Variants in ATP2B3 observed in about 807,000 individuals in gnomAD.
The protein encoded by ATP2B3 is plasma membrane calcium-transporting ATPase 3.
Under a neutral mutation model 70.8 loss-of-function variants are expected in ATP2B3, and 12 were observed. The ratio of observed to expected loss-of-function variants is 0.17; its 90% CI spans 0.11 to 0.27. The LOEUF (loss-of-function observed/expected upper bound fraction) is 0.27, where lower values mean the gene tolerates loss of function less well. Ranked by LOEUF, ATP2B3 falls within the 10% of genes least tolerant of loss-of-function variation. The pLI, the probability that ATP2B3 is intolerant of heterozygous loss-of-function variation, is 1.00. For synonymous variants in ATP2B3, 460 were observed against 497.8 expected (o/e 0.92, Z 1.01); for missense variants, 858 against 1,118.5 (o/e 0.77, Z 3.32).
intron 13 of ATP2B3, among the ~76,000 whole-genome samples, chrX:153,555,392 C>T (rs1028577203): frequency 5.4e-5 from 6 of 111,641 alleles, no homozygotes; most frequent in African/African-American, 9.8e-5. Flanking sequence ...ACTTACCCGA[C>T]GGTGCTCACA....
At chrX:153,560,224 T>C (rs1393497205) in intron 18 of ATP2B3, among the ~76,000 whole-genome samples, 2 of 111,903 alleles carry the variant, frequency 1.8e-5, no homozygotes, top group African/African-American at 6.5e-5. Flanking sequence ...CCCACGGCTG[T>C]GTAGCTGTGT....
chrX:153,558,942 T>G (rs2090582947), intron 17 of ATP2B3, among the ~76,000 whole-genome samples: 1 of 111,666 alleles, frequency 9.0e-6, no homozygotes, highest in South Asian at 3.7e-4. Flanking sequence ...AGTCCCATTT[T>G]CCCCATTGGT....
chrX:153,580,312 C>T lies in ATP2B3; in HGVS notation c.*14C>T. 8.4e-7 allele frequency: 1 copy of T among 1,194,345 alleles called. No homozygotes were observed. The highest frequency in any genetic ancestry group is 1.1e-6 in the Non-Finnish European group (1 of 882,832). On this transcript the variant is annotated 3_prime_UTR_variant, in exon 22 of 22. Transcript: ENST00000263519. ...ACGTCCCTCTAACAAGAACTTGTCT[C>T]AGCACATGCGCACACGCACACTCGG...
In ATP2B3 at chrX:153,541,762, T is replaced by C; in HGVS notation, c.500T>C (p.Val167Ala). ...GCCATCCTGCTGTCCGTCATCTGTG[T>C]GGTGCTGGTCACGGCCTTCAATGAC... ...GAAILLSVIC[V>A]VLVTAFNDWS... Residue 167 changes from valine (V) to alanine (A), a missense_variant, in exon 5 of 22, where the codon GTG (valine) becomes GCG (alanine). Transcript: ENST00000263519. 1.7e-6 allele frequency: 2 copies of C among 1,211,648 alleles called. No individual in the cohort carries two copies. Among genetic ancestry groups the C allele is most frequent in the Non-Finnish European group, 2.2e-6 (2 of 895,541 alleles).
intron 2 of ATP2B3, among the ~76,000 whole-genome samples, chrX:153,529,092 C>A (rs1221171937): frequency 8.9e-6 from 1 of 112,711 alleles, no homozygotes. Context: ...TGGAAGGTAC[C>A]CATCTTGAGG....
rs782294788 is a variant in ATP2B3, at chrX:153,553,379, G to A, written c.2058+110G>A. On this transcript the variant is annotated intron_variant, in intron 13 of 21. Transcript: ENST00000263519. Reference sequence around the variant, plus strand: ...CACACACAGCTGCTGCGGTCCCTCCGTAGTACACTTGAGCCCCGTCCTGGG... The same window carrying A: ...CACACACAGCTGCTGCGGTCCCTCCATAGTACACTTGAGCCCCGTCCTGGG... The A allele has an allele frequency of 2.0e-4, 133 of 651,651 alleles. 1 individual carries two copies. Among genetic ancestry groups the A allele is most frequent in the Middle Eastern group, 4.6e-4 (1 of 2,194 alleles). The allele number at this position is 651,651 out of a possible 1,213,427, so 53.7% of individuals were successfully genotyped here. A position where few individuals can be genotyped will look rare whatever the true frequency, so the allele number is the denominator to read the frequency against.
intron 2 of ATP2B3, among the ~76,000 whole-genome samples, chrX:153,520,221 G>A (rs1305772609): frequency 1.8e-5 from 2 of 112,838 alleles, no homozygotes; most frequent in Non-Finnish European, 3.8e-5. Flanking sequence ...GAGTGCCGGG[G>A]TCAGCCGTGG....
At chrX:153,535,369 C>T (rs1163189511) in intron 2 of ATP2B3, among the ~76,000 whole-genome samples, 2 of 111,382 alleles carry the variant, frequency 1.8e-5, no homozygotes, top group Non-Finnish European at 3.8e-5. Flanking sequence ...CGTTGGCAGA[C>T]TCACCAGCGA....
chrX:153,529,544 G>A (rs1278426269), intron 2 of ATP2B3, among the ~76,000 whole-genome samples: 1 of 112,125 alleles, frequency 8.9e-6, no homozygotes, highest in Non-Finnish European at 1.9e-5. Context: ...GGCTGCTTGC[G>A]TGTTCTATTG....
Position 153,536,398 on chromosome X carries a change from G to A in ATP2B3, c.151G>A (p.Glu51Lys), listed in dbSNP as rs782666675. ...RGAEALQKIE[E>K]AYGDVSGLCR... ...GGCCGAGGCGCTGCAGAAGATCGAG[G>A]AGGCCTACGGGGATGTCAGCGGGCT... Residue 51 changes from glutamate (E) to lysine (K), a missense_variant, in exon 3 of 22, where the codon GAG becomes AAG. This residue lies in a region of ATP2B3 where 278 missense variants were observed against 366.2 expected (regional missense o/e 0.76). Transcript: ENST00000263519. 4 of 1,204,751 alleles carry A rather than the reference G, an allele frequency of 3.3e-6. No homozygotes were observed. Among genetic ancestry groups the A allele is most frequent in the Non-Finnish European group, 4.5e-6 (4 of 893,092 alleles).
At chrX:153,575,609 G>A (rs187650032) in intron 21 of ATP2B3, among the ~76,000 whole-genome samples, 75 of 111,644 alleles carry the variant, frequency 6.7e-4, no homozygotes, top group African/African-American at 2.2e-3. Context: ...GCGAAGTGCA[G>A]GTTCTGGATG....
intron 13 of ATP2B3, among the ~76,000 whole-genome samples, chrX:153,555,773 AAAC>A (rs1557013219): frequency 8.9e-6 from 1 of 112,888 alleles, no homozygotes; most frequent in African/African-American, 3.2e-5. Flanking sequence ...CATTCAGCAG[AAAC>A]TTTACTTCGA....
chrX:153,537,201 G>A (rs889276773), intron 3 of ATP2B3, among the ~76,000 whole-genome samples: 3 of 113,412 alleles, frequency 2.6e-5, no homozygotes, highest in South Asian at 3.5e-4. Flanking sequence ...TGGTTGCTGC[G>A]GTCTGCCATG....
Position 153,558,311 on chromosome X carries a change from C to A in ATP2B3, c.2625+8C>A, listed in dbSNP as rs904557474. ...GGTGCCTGCATTACTCAGGTGGGTA[C>A]TGGGGGCTGCCATGCCCCAGCTAGG... On this transcript the variant is annotated splice_region_variant and intron_variant, in intron 17 of 21. Coordinates refer to ENST00000263519, the MANE Select transcript of ATP2B3 (RefSeq NM_001001344.3). 5.9e-6 allele frequency: 7 copies of A among 1,195,660 alleles called. No homozygotes were observed. The African/African-American group carries it at 7.0e-5, about 12-fold the overall frequency.
Position 153,543,092 on chromosome X carries a change from C to T in ATP2B3, c.840C>T (p.Gly280=), listed in dbSNP as rs891779101. 6.6e-6 allele frequency: 8 copies of T among 1,210,932 alleles called. No individual in the cohort carries two copies. The African/African-American group carries it at 1.2e-4, about 18-fold the overall frequency. ...GSGRMVVTAV[G]VNSQTGIIFT... is the part of the protein sequence containing the mutation. ...GAAGAATGGTGGTGACCGCCGTTGG[C>T]GTGAATTCCCAGACAGGCATCATCT... Residue 280 remains glycine, a synonymous_variant, in exon 7 of 22, where the codon GGC becomes GGT. Transcript: ENST00000263519.
chrX:153,548,800 T>C lies in ATP2B3; in HGVS notation c.1284T>C (p.Ala428=). 8.2e-7 allele frequency: 1 copy of C among 1,212,149 alleles called. No homozygotes were observed. Among genetic ancestry groups the C allele is most frequent in the Non-Finnish European group, 1.1e-6 (1 of 895,582 alleles). The part of the protein sequence containing the change: ...FIIGVTVLVV[A]VPEGLPLAVT... ...TTGGTGTCACTGTGCTGGTCGTGGC[T>C]GTCCCAGAGGGCCTGCCTCTTGCTG... is the stretch of plus-strand genomic sequence containing the variant. The change falls in exon 10 of 22, where the codon GCT becomes GCC. Residue 428 remains alanine (A), a synonymous_variant. Transcript: ENST00000263519.
In ATP2B3 at chrX:153,571,000, G is replaced by A. The variant is rs868980142; in HGVS notation, c.3342+5897G>A. Among the ~76,000 whole-genome samples, 15 of 38,248 alleles carry A rather than the reference G, an allele frequency of 3.9e-4. 1 individual carries two copies. The highest frequency in any genetic ancestry group is 2.3e-3 in the Admixed American group (8 of 3,536). The allele number at this position is 38,248 out of a possible 115,157, so 33.2% of individuals were successfully genotyped here. On this transcript the variant is annotated intron_variant, in intron 21 of 21. Coordinates refer to ENST00000263519, the MANE Select transcript of ATP2B3 (RefSeq NM_001001344.3). ...CCCCTTGGGAACAGAGCACGTGCGC[G>A]CGTACACACACACACACACACACAC...
rs139741921 is a variant in ATP2B3, at chrX:153,566,884, C to G, written c.3342+1781C>G. Among the ~76,000 whole-genome samples, 559 of 112,153 alleles carry G rather than the reference C, an allele frequency of 5.0e-3. 3 individuals carry two copies. The highest frequency in any genetic ancestry group is 0.017 in the African/African-American group (525 of 30,852). ...CACCACGGGCTCCTTGCAAAACTTT[C>G]CAGAGCTACAGAGTCCCCCAGAGAC... On this transcript the variant is annotated intron_variant, in intron 21 of 21. Transcript: ENST00000263519.
chrX:153,559,691 A>C (rs782029207), intron 17 of ATP2B3, 38 bp from the exon 18 acceptor site: 1 of 1,174,745 alleles, frequency 8.5e-7, no homozygotes, highest in South Asian at 1.8e-5. Flanking sequence ...CTTCCCGGGC[A>C]GGCGGCCCAT....
Sources: allele counts gnomAD v4.1 joint callset (sites outside exome capture counted in the v4.1 genomes callset), GRCh38; gene constraint gnomAD v4.1.1; regional missense constraint gnomAD v4.1.1; transcripts MANE v1.5; gene names NCBI Gene and HGNC (gene_info 2026-07-23, HGNC 2026-07-21).